SPOPL: variants seen among roughly 807,000 people sequenced by gnomAD.
SPOPL encodes the protein speckle type BTB/POZ protein like, also known as speckle-type POZ protein-like.
In SPOPL, 23 loss-of-function variants were observed where a neutral mutation model predicts 53.8. The observed-to-expected ratio is 0.43, with a 90% CI of 0.31 to 0.61. The LOEUF (loss-of-function observed/expected upper bound fraction) is 0.61, where lower values mean the gene tolerates loss of function less well. Among genes scored for constraint, SPOPL ranks in the 20% least tolerant of loss-of-function variants. SPOPL has a pLI of 0.12. For synonymous variants in SPOPL, 164 were observed against 149.7 expected (o/e 1.10, Z -0.70); for missense variants, 442 against 466.9 (o/e 0.95, Z 0.49).
In SPOPL at chr2:138,560,918, T is replaced by C. The variant is rs567835124; in HGVS notation, c.828T>C (p.Ala276=). The stretch of plus-strand genomic sequence containing the variant: ...AAATGGCTGACAACTTGTTGGCAGC[T>C]GCAGACAAAGTAAGTAATTAGGTCT... ...LDKMADNLLA[A]ADKYALERLK... is the part of the protein sequence containing the mutation. Residue 276 remains alanine (A), a synonymous_variant, in exon 8 of 11, where the codon GCT becomes GCC. Transcript: ENST00000280098. 2.7e-5 allele frequency: 44 copies of C among 1,609,180 alleles called. No individual in the cohort carries two copies. In the South Asian group the frequency reaches 4.3e-4, roughly 16 times the overall value.
At chr2:138,516,541 T>G (rs1197082607) in intron 1 of SPOPL, among the ~76,000 whole-genome samples, 1 of 152,200 alleles carries the variant, frequency 6.6e-6, no homozygotes, top group African/African-American at 2.4e-5. Flanking sequence ...AATTTGATGC[T>G]GGTAGGTTGA....
At chr2:138,564,637 T>C in intron 8 of SPOPL, 71 bp from the exon 9 acceptor site, 2 of 1,530,272 alleles carry the variant, frequency 1.3e-6, no homozygotes, top group Non-Finnish European at 1.8e-6. Flanking sequence ...TTTTCCAAGT[T>C]GCAAATGTAT....
chr2:138,509,190 A>G (rs1038613376), intron 1 of SPOPL, among the ~76,000 whole-genome samples: 1 of 152,078 alleles, frequency 6.6e-6, no homozygotes, highest in Non-Finnish European at 1.5e-5. Flanking sequence ...TGATGAAGAT[A>G]CTCATCTCTG....
intron 1 of SPOPL, among the ~76,000 whole-genome samples, chr2:138,505,441 T>A (rs1328526957): frequency 6.7e-6 from 1 of 150,336 alleles, no homozygotes; most frequent in African/African-American, 2.5e-5. Context: ...GGCAGAAGTC[T>A]GTTTGGGGAA....
chr2:138,540,036 G>A (rs1685033089), intron 1 of SPOPL, among the ~76,000 whole-genome samples: 1 of 152,146 alleles, frequency 6.6e-6, no homozygotes, highest in African/African-American at 2.4e-5. Context: ...TGTCAGATTT[G>A]TCAAAGATCA....
At chr2:138,526,116 C>T (rs1168181374) in intron 1 of SPOPL, among the ~76,000 whole-genome samples, 1 of 152,062 alleles carries the variant, frequency 6.6e-6, no homozygotes, top group East Asian at 1.9e-4. Flanking sequence ...TTTGTTCTGA[C>T]TATAACTTTT....
chr2:138,521,075 C>A (rs1343645176), intron 1 of SPOPL, among the ~76,000 whole-genome samples: 1 of 152,090 alleles, frequency 6.6e-6, no homozygotes, highest in Non-Finnish European at 1.5e-5. Flanking sequence ...TCCAGAATAT[C>A]TTTAATATGT....
At chr2:138,566,661 T>G (rs1685665092) in intron 10 of SPOPL, among the ~76,000 whole-genome samples, 1 of 152,204 alleles carries the variant, frequency 6.6e-6, no homozygotes, top group South Asian at 2.1e-4. Flanking sequence ...GTTTTGTTGG[T>G]ATCAGCTACT....
intron 1 of SPOPL, among the ~76,000 whole-genome samples, chr2:138,533,987 C>A (rs1684873274): frequency 6.6e-6 from 1 of 151,986 alleles, no homozygotes; most frequent in Non-Finnish European, 1.5e-5. Context: ...TTTGATAATG[C>A]TCTTTAGACA....
intron 10 of SPOPL, among the ~76,000 whole-genome samples, chr2:138,566,378 A>G (rs1487981711): frequency 2.0e-5 from 3 of 152,178 alleles, no homozygotes; most frequent in East Asian, 3.8e-4. Flanking sequence ...TTCACATTTT[A>G]TAACTTTTTC....
chr2:138,520,934 G>A (rs4629211), intron 1 of SPOPL, among the ~76,000 whole-genome samples: 22,527 of 151,984 alleles, frequency 0.15, 1,885 homozygotes, highest in African/African-American at 0.22. Flanking sequence ...ACTGGGCTTC[G>A]TCTTTTCTTA....
chr2:138,528,612 G>A (rs927238861), intron 1 of SPOPL, among the ~76,000 whole-genome samples: 14 of 152,170 alleles, frequency 9.2e-5, no homozygotes, highest in Non-Finnish European at 1.9e-4. Context: ...TCCGTCTTGG[G>A]TGCAGTATGT....
intron 1 of SPOPL, among the ~76,000 whole-genome samples, chr2:138,543,563 C>T (rs1041390949): frequency 7.2e-5 from 11 of 152,128 alleles, no homozygotes; most frequent in African/African-American, 1.2e-4. Flanking sequence ...ACGGAGTTCT[C>T]GTGTCTTGGT....
chr2:138,511,122 A>G (rs966933380), intron 1 of SPOPL, among the ~76,000 whole-genome samples: 16 of 152,252 alleles, frequency 1.1e-4, no homozygotes, highest in African/African-American at 3.9e-4. Context: ...CTTTTAAAAC[A>G]TGAAAATACT....
At chr2:138,560,154 C>T (rs531455819) in intron 7 of SPOPL, among the ~76,000 whole-genome samples, 1 of 152,276 alleles carries the variant, frequency 6.6e-6, no homozygotes, top group South Asian at 2.1e-4. Context: ...AAAAAGCACT[C>T]TTTGGACTTG....
At chr2:138,561,387 A>G (rs1369409613) in intron 8 of SPOPL, among the ~76,000 whole-genome samples, 1 of 152,200 alleles carries the variant, frequency 6.6e-6, no homozygotes, top group African/African-American at 2.4e-5. Flanking sequence ...ACTTTTTTGT[A>G]ATGATGATTT....
intron 8 of SPOPL, among the ~76,000 whole-genome samples, chr2:138,561,361 TTAA>T (rs1164702552): frequency 6.6e-6 from 1 of 152,078 alleles, no homozygotes; most frequent in Non-Finnish European, 1.5e-5. Flanking sequence ...AAAAACAATA[TTAA>T]TAATTTTATA....
At chr2:138,535,304 A>AAG (rs1684903227) in intron 1 of SPOPL, among the ~76,000 whole-genome samples, 1 of 152,236 alleles carries the variant, frequency 6.6e-6, no homozygotes, top group Admixed American at 6.5e-5. Flanking sequence ...TACTGCAGCA[A>AAG]AGAACATTTA....
Position 138,570,216 on chromosome 2 carries a change from GC to G in SPOPL, c.*1138del, listed in dbSNP as rs937100981. The stretch of plus-strand genomic sequence containing the variant: ...TCCTTCAAACAATTAACTGATACTT[GC>G]CTTTGGGAGATGCATACAAAAGGAG... On this transcript the variant is annotated 3_prime_UTR_variant, in exon 11 of 11. Coordinates refer to ENST00000280098, the MANE Select transcript of SPOPL (RefSeq NM_001001664.3). The G allele has an allele frequency of 6.6e-6, 1 of 152,048 alleles. No homozygotes were observed. The highest frequency in any genetic ancestry group is 2.4e-5 in the African/African-American group (1 of 41,384). 9.4% of individuals were successfully genotyped at this position (152,048 alleles called of 1,614,324 possible).
Sources: allele counts gnomAD v4.1 joint callset (sites outside exome capture counted in the v4.1 genomes callset), GRCh38; gene constraint gnomAD v4.1.1; transcripts MANE v1.5; gene names NCBI Gene and HGNC (gene_info 2026-07-23, HGNC 2026-07-21).